The following MAPRE1 variants were observed in gnomAD, a reference collection of about 807,000 sequenced individuals.
The protein encoded by MAPRE1 is microtubule-associated protein RP/EB family member 1.
A neutral mutation model predicts 32.1 loss-of-function variants in MAPRE1; 5 were observed. That is an observed-to-expected ratio of 0.16 (90% CI 0.08 to 0.33). The LOEUF is 0.33. MAPRE1 is among the 10% of genes least tolerant of loss of function. The pLI, the probability that MAPRE1 is intolerant of heterozygous loss-of-function variation, is 1.00. For missense variants in MAPRE1, 209 were observed against 327.2 expected (o/e 0.64, Z 2.79); for synonymous variants, 122 against 118.9 (o/e 1.03, Z -0.17).
At chr20:32,834,165 C>CT (rs1431654747) in intron 3 of MAPRE1, among the ~76,000 whole-genome samples, 3 of 152,156 alleles carry the variant, frequency 2.0e-5, no homozygotes, top group Admixed American at 1.3e-4. Flanking sequence ...AGTCTGGAAT[C>CT]TAACTCTCTT....
At chr20:32,838,071 A>G (rs947806164) in intron 4 of MAPRE1, among the ~76,000 whole-genome samples, 2 of 152,352 alleles carry the variant, frequency 1.3e-5, no homozygotes, top group African/African-American at 4.8e-5. Context: ...TGAGAGAGAC[A>G]GACGCTGTCT....
In MAPRE1 at chr20:32,844,320, C is replaced by T. The variant is rs188313136; in HGVS notation, c.598-2298C>T. Among the ~76,000 whole-genome samples the T allele has an allele frequency of 5.3e-5, 8 of 151,980 alleles. No homozygotes were observed. In the East Asian group the frequency reaches 5.8e-4, roughly 11 times the overall value. ...ACTTTTGGCCTTTATAGGTGGGACC[C>T]AGAAGGCTGGGTATCTGGTTTGGCC... is the stretch of plus-strand genomic sequence containing the variant. On this transcript the variant is annotated intron_variant, in intron 5 of 6. Transcript: ENST00000375571.
Position 32,850,354 on chromosome 20 carries a change from G to T in MAPRE1, c.*1626G>T, listed in dbSNP as rs1391456942. ...TTTCCACCTGGTCTTTCTTGACAGG[G>T]TTTTTTTCTACTTTAAACAGTTTCT... is the stretch of plus-strand genomic sequence containing the variant. On this transcript the variant is annotated 3_prime_UTR_variant, in exon 7 of 7. Coordinates refer to ENST00000375571, the MANE Select transcript of MAPRE1 (RefSeq NM_012325.3). The T allele has an allele frequency of 1.3e-5, 2 of 152,300 alleles. No individual in the cohort carries two copies. The highest frequency in any genetic ancestry group is 2.4e-5 in the African/African-American group (1 of 41,332). 9.4% of individuals were successfully genotyped at this position (152,300 alleles called of 1,614,324 possible).
At chr20:32,832,846 G>A (rs566674702) in intron 2 of MAPRE1, among the ~76,000 whole-genome samples, 64 of 134,412 alleles carry the variant, frequency 4.8e-4, no homozygotes, top group African/African-American at 1.7e-3. Context: ...CAGTGCAGTG[G>A]CCTGAGAGAA....
At position 32,850,079 on chromosome 20, in the gene MAPRE1, G is replaced by C. The variant is rs1405506575; in HGVS notation, c.*1351G>C. The C allele has an allele frequency of 6.6e-6, 1 of 152,582 alleles. No individual in the cohort carries two copies. The highest frequency in any genetic ancestry group is 1.5e-5 in the Non-Finnish European group (1 of 68,022). 9.5% of individuals were successfully genotyped at this position (152,582 alleles called of 1,614,324 possible). A position where few individuals can be genotyped will look rare whatever the true frequency, so the allele number is the denominator to read the frequency against. On this transcript the variant is annotated 3_prime_UTR_variant, in exon 7 of 7. Transcript: ENST00000375571. The stretch of plus-strand genomic sequence containing the variant: ...CCACTACTGAGATTGTTCAGCCCCT[G>C]ATGTATTTGTATTGATTTGTTTCTG...
intron 4 of MAPRE1, among the ~76,000 whole-genome samples, chr20:32,838,298 C>T (rs544102305): frequency 1.3e-5 from 2 of 152,272 alleles, no homozygotes; most frequent in South Asian, 4.1e-4. Flanking sequence ...CAAGGTTCAT[C>T]CATGCCCTAG....
At chr20:32,826,560 G>A (rs1374730333) in intron 2 of MAPRE1, among the ~76,000 whole-genome samples, 8 of 93,406 alleles carry the variant, frequency 8.6e-5, no homozygotes, top group Admixed American at 4.7e-4. Context: ...GGGGTCTGGC[G>A]CTATTGCCCA....
intron 4 of MAPRE1, 53 bp from the exon 5 acceptor site, chr20:32,839,679 TTTG>T (rs2146134818): frequency 9.1e-7 from 1 of 1,098,698 alleles, no homozygotes; most frequent in East Asian, 5.5e-5. Context: ...TTGTGGATTT[TTTG>T]TTTGTTTGGG....
intron 2 of MAPRE1, among the ~76,000 whole-genome samples, chr20:32,832,774 T>A (rs1983070934): frequency 6.6e-6 from 1 of 150,788 alleles, no homozygotes. Context: ...ATCATAGTAG[T>A]CTTTATTTAT....
chr20:32,825,313 CTTTA>C (rs1982813020), intron 1 of MAPRE1, among the ~76,000 whole-genome samples: 1 of 152,124 alleles, frequency 6.6e-6, no homozygotes, highest in Admixed American at 6.5e-5. Context: ...TTACTCATCC[CTTTA>C]TTTAGTGCCT....
chr20:32,820,137 G>A (rs1222203253), intron 1 of MAPRE1, 109 bp downstream of exon 1: 1 of 151,302 alleles, frequency 6.6e-6, no homozygotes, highest in East Asian at 2.0e-4. Flanking sequence ...CGTTCCACAC[G>A]GCGGTGCTGT....
intron 6 of MAPRE1, 70 bp downstream of exon 6, chr20:32,846,840 C>T (rs975447971): frequency 6.7e-7 from 1 of 1,496,002 alleles, no homozygotes. Context: ...TGTGCTGATG[C>T]TTGTTGTATT....
At chr20:32,833,297 G>C (rs1010696620) in intron 2 of MAPRE1, among the ~76,000 whole-genome samples, 1 of 152,210 alleles carries the variant, frequency 6.6e-6, no homozygotes, top group Non-Finnish European at 1.5e-5. Context: ...TTTTAATCTA[G>C]ATCAAGGATG....
chr20:32,845,066 G>A (rs1983472162), intron 5 of MAPRE1, among the ~76,000 whole-genome samples: 1 of 152,120 alleles, frequency 6.6e-6, no homozygotes, highest in Non-Finnish European at 1.5e-5. Flanking sequence ...AATGAGACAG[G>A]GTCTTGCTGT....
intron 4 of MAPRE1, among the ~76,000 whole-genome samples, chr20:32,838,296 A>T (rs1983256536): frequency 6.6e-6 from 1 of 152,152 alleles, no homozygotes; most frequent in Non-Finnish European, 1.5e-5. Flanking sequence ...TTCAAGGTTC[A>T]TCCATGCCCT....
At chr20:32,825,279 ATC>A (rs1374240708) in intron 1 of MAPRE1, among the ~76,000 whole-genome samples, 1 of 152,194 alleles carries the variant, frequency 6.6e-6, no homozygotes, top group Non-Finnish European at 1.5e-5. Context: ...TCGTTTATGC[ATC>A]TGCCTCCCAT....
chr20:32,846,645 G>C lies in MAPRE1; in HGVS notation c.625G>C (p.Asp209His), dbSNP rs775645885. ...CAACGTATTGAAACTTACTGTTGAA[G>C]ACTTGGAGAAAGAGAGGGATTTCTA... ...QVNVLKLTVE[D>H]LEKERDFYFG... Residue 209 changes from aspartate to histidine, a missense_variant, in exon 6 of 7, where the codon GAC (aspartate) becomes CAC (histidine). Coordinates refer to ENST00000375571, the MANE Select transcript of MAPRE1 (RefSeq NM_012325.3). 6.2e-7 allele frequency: 1 copy of C among 1,614,056 alleles called. No homozygotes were observed. The highest frequency in any genetic ancestry group is 1.1e-5 in the South Asian group (1 of 91,076).
chr20:32,824,383 G>A (rs138069682), intron 1 of MAPRE1, among the ~76,000 whole-genome samples: 9 of 152,360 alleles, frequency 5.9e-5, no homozygotes, highest in East Asian at 1.9e-4. Flanking sequence ...AGAAAAGGGA[G>A]GGAAGAGAAT....
intron 3 of MAPRE1, among the ~76,000 whole-genome samples, chr20:32,834,087 T>C (rs891254032): frequency 5.3e-5 from 8 of 152,260 alleles, no homozygotes; most frequent in South Asian, 2.1e-4. Context: ...AGTAACTGTT[T>C]AGAGGAGTCA....
Sources: allele counts gnomAD v4.1 joint callset (sites outside exome capture counted in the v4.1 genomes callset), GRCh38; gene constraint gnomAD v4.1.1; transcripts MANE v1.5; gene names NCBI Gene and HGNC (gene_info 2026-07-23, HGNC 2026-07-21).